BICD1: variants seen among roughly 807,000 people sequenced by gnomAD.
BICD1 encodes the protein protein bicaudal D homolog 1.
BICD1 carries 35 observed loss-of-function variants against 92.5 expected under a neutral mutation model. The ratio of observed to expected loss-of-function variants is 0.38; its 90% CI spans 0.29 to 0.50. BICD1 has a LOEUF of 0.50. BICD1 is among the 20% of genes least tolerant of loss of function. BICD1 has a pLI of 0.93. For synonymous variants in BICD1, 429 were observed against 465.1 expected (o/e 0.92, Z 1.00); for missense variants, 950 against 1,189.8 (o/e 0.80, Z 2.97).
chr12:32,176,666 A>G (rs1944098138), intron 1 of BICD1, among the ~76,000 whole-genome samples: 1 of 152,188 alleles, frequency 6.6e-6, no homozygotes, highest in Admixed American at 6.5e-5. Context: ...ATCATACAGT[A>G]TGTACTCCTT....
In BICD1 at chr12:32,328,628, G is replaced by C. The variant is rs1025672361; in HGVS notation, c.2100+73G>C. On this transcript the variant is annotated intron_variant, in intron 5 of 9. Transcript: ENST00000652176. The surrounding 1 kb of genome is among the most constrained non-coding windows in gnomAD (Gnocchi z 4.4). ...CTAATTTATTCCCTAATTTTATTGA[G>C]TATCGAGTATCGTCAAGATGAGAGT... 3.9e-6 allele frequency: 6 copies of C among 1,522,010 alleles called. No homozygotes were observed. The African/African-American group carries it at 8.3e-5, about 21-fold the overall frequency. The allele number at this position is 1,522,010 out of a possible 1,614,324, so 94.3% of individuals were successfully genotyped here. A position where few individuals can be genotyped will look rare whatever the true frequency, so the allele number is the denominator to read the frequency against.
chr12:32,330,864 A>T (rs1363129948), intron 5 of BICD1, among the ~76,000 whole-genome samples: 1 of 152,148 alleles, frequency 6.6e-6, no homozygotes, highest in African/African-American at 2.4e-5. Context: ...TCTGGGCGCA[A>T]TGGCTCACGC....
At chr12:32,298,699 C>T (rs1465462266) in intron 3 of BICD1, among the ~76,000 whole-genome samples, 1 of 149,208 alleles carries the variant, frequency 6.7e-6, no homozygotes, top group Non-Finnish European at 1.5e-5. Context: ...AGAGAAACCC[C>T]GTCTCTACTA....
At chr12:32,272,274 A>C (rs1001264554) in intron 2 of BICD1, among the ~76,000 whole-genome samples, 2 of 152,142 alleles carry the variant, frequency 1.3e-5, no homozygotes, top group African/African-American at 4.8e-5. Context: ...TTATTTTTGC[A>C]TTTGGTTACA....
intron 2 of BICD1, among the ~76,000 whole-genome samples, chr12:32,223,992 C>A (rs1945612573): frequency 1.3e-5 from 2 of 152,150 alleles, no homozygotes; most frequent in South Asian, 4.1e-4. Flanking sequence ...AATGAAAAAG[C>A]TTGAAATATT....
chr12:32,322,339 A>G (rs1377013917), intron 4 of BICD1, among the ~76,000 whole-genome samples: 1 of 152,196 alleles, frequency 6.6e-6, no homozygotes, highest in East Asian at 1.9e-4. Flanking sequence ...AGCAGTCCCC[A>G]ACTTTTTTTG....
chr12:32,107,697 A>G (rs549972143), intron 1 of BICD1, 153 bp downstream of exon 1: 8 of 893,116 alleles, frequency 9.0e-6, no homozygotes, highest in African/African-American at 6.6e-5. Context: ...GAAAGAGTCC[A>G]TTGTTTCCTC....
At chr12:32,377,519 G>A (rs751353645) in intron 9 of BICD1, 21 bp from the exon 10 acceptor site, 30 of 1,601,784 alleles carry the variant, frequency 1.9e-5, no homozygotes, top group African/African-American at 2.7e-5. Flanking sequence ...TCTTGCTGAC[G>A]TGCTTGTTTC....
rs79272148 is a variant in BICD1, at chr12:32,212,322, C to T, written c.214-3925C>T. Among the ~76,000 whole-genome samples, 1,475 of 152,248 alleles carry T rather than the reference C, an allele frequency of 9.7e-3. 23 individuals carry two copies. The highest frequency in any genetic ancestry group is 0.034 in the African/African-American group (1,415 of 41,532). On this transcript the variant is annotated intron_variant, in intron 1 of 9. Coordinates refer to ENST00000652176, the MANE Select transcript of BICD1 (RefSeq NM_001714.4). ...AATGATTAACACATAATCTTTTCTG[C>T]CTTAAGGTTTATAACAAATGTGAAA...
At chr12:32,153,120 CA>C (rs1943337870) in intron 1 of BICD1, among the ~76,000 whole-genome samples, 1 of 152,156 alleles carries the variant, frequency 6.6e-6, no homozygotes, top group Admixed American at 6.6e-5. Flanking sequence ...TCTTTATGTC[CA>C]TAAGTACCTG....
chr12:32,258,074 A>G (rs1440186026), intron 2 of BICD1, among the ~76,000 whole-genome samples: 2 of 152,206 alleles, frequency 1.3e-5, no homozygotes, highest in East Asian at 3.8e-4. Context: ...GCAGCAGAGT[A>G]TGCTTGTTCA....
At chr12:32,350,579 C>G (rs1359569037) in intron 8 of BICD1, among the ~76,000 whole-genome samples, 1 of 152,162 alleles carries the variant, frequency 6.6e-6, no homozygotes, top group Non-Finnish European at 1.5e-5. Flanking sequence ...AGCTCATCAA[C>G]CAGCAAAGAT....
chr12:32,233,968 T>C (rs1172956527), intron 2 of BICD1, among the ~76,000 whole-genome samples: 1 of 152,218 alleles, frequency 6.6e-6, no homozygotes, highest in Non-Finnish European at 1.5e-5. Context: ...TCTTGAAGGT[T>C]ATAGGAAACA....
chr12:32,108,588 T>A, intron 1 of BICD1: 2 of 667,820 alleles, frequency 3.0e-6, no homozygotes, highest in Non-Finnish European at 5.4e-6. Flanking sequence ...ATTTAAATGT[T>A]AATTATTGTT....
Position 32,296,256 on chromosome 12 carries a change from G to GT in BICD1, c.579+2128dup, listed in dbSNP as rs373796519. ...TTAAAATAAGAAGGGGTTTTTTTTT[G>GT]TTTTTTTTTTTTTTTTTTGAGAGAC... On this transcript the variant is annotated intron_variant, in intron 3 of 9. Transcript: ENST00000652176. 4.6e-3 allele frequency among the ~76,000 whole-genome samples: 412 copies of GT among 90,172 alleles called. 4 individuals are homozygous for GT. The highest frequency in any genetic ancestry group is 0.014 in the African/African-American group (378 of 26,576). 59.2% of individuals were successfully genotyped at this position (90,172 alleles called of 152,430 possible).
At chr12:32,377,511 TTGCTGACG>T in intron 9 of BICD1, 21 bp from the exon 10 acceptor site, 1 of 1,586,188 alleles carries the variant, frequency 6.3e-7, no homozygotes, top group South Asian at 1.1e-5. Flanking sequence ...AATGTGTTTC[TTGCTGACG>T]TGCTTGTTTC....
At chr12:32,329,162 T>C (rs1224185068) in intron 5 of BICD1, among the ~76,000 whole-genome samples, 2 of 152,162 alleles carry the variant, frequency 1.3e-5, no homozygotes, top group African/African-American at 4.8e-5. Flanking sequence ...TGGAGTGCAC[T>C]GGCGCCATCT....
chr12:32,347,406 G>A (rs771690253), intron 8 of BICD1, among the ~76,000 whole-genome samples: 202 of 151,920 alleles, frequency 1.3e-3, no homozygotes, highest in Admixed American at 2.5e-3. Flanking sequence ...TTGGGAGGCT[G>A]AGGCGGGCAG....
At chr12:32,281,787 C>G (rs792474) in intron 2 of BICD1, among the ~76,000 whole-genome samples, 99,490 of 151,800 alleles carry the variant, frequency 0.66, 33,137 homozygotes, top group Middle Eastern at 0.77. Context: ...ATCCCAACAA[C>G]GCTTCCCAGC....
Sources: allele counts gnomAD v4.1 joint callset (sites outside exome capture counted in the v4.1 genomes callset), GRCh38; gene constraint gnomAD v4.1.1; non-coding constraint Gnocchi (gnomAD v3.1); transcripts MANE v1.5; gene names NCBI Gene and HGNC (gene_info 2026-07-23, HGNC 2026-07-21).